The following TAPT1 variants were observed in gnomAD, a reference collection of about 807,000 sequenced individuals.
TAPT1 encodes transmembrane anterior posterior transformation 1.
TAPT1 carries 28 observed loss-of-function variants against 65.6 expected under a neutral mutation model. The observed-to-expected ratio is 0.43, with a 90% CI of 0.32 to 0.59. The LOEUF (loss-of-function observed/expected upper bound fraction) is 0.59. Ranked by LOEUF, TAPT1 falls within the 20% of genes least tolerant of loss-of-function variation. The pLI, the probability that TAPT1 is intolerant of heterozygous loss-of-function variation, is 0.09. For missense variants in TAPT1, 563 were observed against 679.9 expected (o/e 0.83, Z 1.91); for synonymous variants, 278 against 245.2 (o/e 1.13, Z -1.25).
chr4:16,177,407 G>T (rs1343024471), intron 8 of TAPT1, among the ~76,000 whole-genome samples: 1 of 152,116 alleles, frequency 6.6e-6, no homozygotes, highest in Non-Finnish European at 1.5e-5. Context: ...TGCTGACAAG[G>T]ACCCACAGCA....
At chr4:16,201,218 CTGTA>C (rs767187673) in intron 3 of TAPT1, among the ~76,000 whole-genome samples, 1 of 152,022 alleles carries the variant, frequency 6.6e-6, no homozygotes, top group Non-Finnish European at 1.5e-5. Flanking sequence ...TTTAAAAAGA[CTGTA>C]TGTGTTACTA....
chr4:16,189,488 C>T (rs1329307918), intron 4 of TAPT1, among the ~76,000 whole-genome samples: 1 of 152,204 alleles, frequency 6.6e-6, no homozygotes, highest in African/African-American at 2.4e-5. Flanking sequence ...GAGCTCCTAC[C>T]ATGGGCCTGA....
intron 2 of TAPT1, among the ~76,000 whole-genome samples, chr4:16,202,928 T>C (rs1211957871): frequency 6.6e-6 from 1 of 152,224 alleles, no homozygotes; most frequent in Non-Finnish European, 1.5e-5. Context: ...GAATGCTTCA[T>C]TGATGGGAAA....
chr4:16,213,943 C>G (rs201269566), intron 1 of TAPT1, 45 bp from the exon 2 acceptor site: 2 of 1,543,160 alleles, frequency 1.3e-6, no homozygotes, highest in Admixed American at 4.5e-5. Flanking sequence ...CAGTATTTAT[C>G]AAGGAACTTC....
chr4:16,176,390 T>C, intron 8 of TAPT1, 162 bp from the exon 9 acceptor site: 1 of 464,712 alleles, frequency 2.2e-6, no homozygotes, highest in Non-Finnish European at 3.7e-6. Context: ...AGCTATACTG[T>C]ATCAAGTTAA....
intron 11 of TAPT1, among the ~76,000 whole-genome samples, chr4:16,172,994 T>G (rs1008938558): frequency 2.6e-5 from 4 of 151,956 alleles, no homozygotes; most frequent in African/African-American, 9.7e-5. Context: ...TGACTAATTT[T>G]TGTATTTTTA....
At chr4:16,186,481 T>C (rs1749024279) in intron 7 of TAPT1, 54 bp downstream of exon 7, 8 of 1,218,938 alleles carry the variant, frequency 6.6e-6, no homozygotes, top group South Asian at 5.6e-5. Flanking sequence ...GATTTCAGAA[T>C]GAACTGCAAA....
chr4:16,174,491 T>C, intron 10 of TAPT1, 179 bp downstream of exon 10: 2 of 671,736 alleles, frequency 3.0e-6, no homozygotes, highest in South Asian at 2.1e-5. Flanking sequence ...TACTACTTAA[T>C]GTTAAGTATT....
intron 11 of TAPT1, 56 bp downstream of exon 11, chr4:16,174,148 A>ATAT: frequency 7.9e-7 from 1 of 1,265,088 alleles, no homozygotes; most frequent in Non-Finnish European, 1.1e-6. Context: ...CCATTTATTA[A>ATAT]TATTCTATAA....
chr4:16,206,542 GA>G lies in TAPT1; in HGVS notation c.331-3963del, dbSNP rs148149914. Among the ~76,000 whole-genome samples the G allele has an allele frequency of 2.6e-5, 4 of 152,112 alleles. No homozygotes were observed. The East Asian group carries it at 7.7e-4, about 29-fold the overall frequency. On this transcript the variant is annotated intron_variant, in intron 2 of 13. Transcript: ENST00000405303. ...AAGACTGAGTGTCACCTAAGGAACA[GA>G]GGTCTTAGCTGCGGCTCTAGGCTCT...
rs780629454 is a variant in TAPT1 at position 16,213,841 on chromosome 4, T to C, written c.257A>G (p.His86Arg). Residue 86 changes from histidine (H) to arginine (R), a missense_variant, in exon 2 of 14, where the codon CAT becomes CGT. This residue lies in a region of TAPT1 where 217 missense variants were observed against 317.5 expected (regional missense o/e 0.68). Coordinates refer to ENST00000405303, the MANE Select transcript of TAPT1 (RefSeq NM_153365.3). ...TCTTTCTGTATACTTGGCCTCATTATGTTCAAGGAAGTACCCTCTTGTTAG... is the reference window on the plus strand; with the variant it reads ...TCTTTCTGTATACTTGGCCTCATTACGTTCAAGGAAGTACCCTCTTGTTAG... ...AELTRGYFLE[H>R]NEAKYTERRE... The C allele has an allele frequency of 6.2e-6, 10 of 1,610,660 alleles. No individual in the cohort carries two copies. In the Admixed American group the frequency reaches 8.4e-5, roughly 14 times the overall value.
chr4:16,171,456 T>G (rs1252885735), intron 11 of TAPT1, among the ~76,000 whole-genome samples: 1 of 152,118 alleles, frequency 6.6e-6, no homozygotes. Flanking sequence ...AGTGCTGCTA[T>G]GCCCATATGT....
At chr4:16,188,907 G>A (rs1039644629) in intron 4 of TAPT1, among the ~76,000 whole-genome samples, 15 of 146,032 alleles carry the variant, frequency 1.0e-4, no homozygotes, top group African/African-American at 3.1e-4. Context: ...GTGACAGCGC[G>A]ACTCTGACTC....
chr4:16,227,073 C>T (rs1211345119), upstream of TAPT1: 6 of 454,694 alleles, frequency 1.3e-5, no homozygotes, highest in Non-Finnish European at 2.2e-5. Flanking sequence ...GGTTCCATCT[C>T]TTCTGCATAT....
chr4:16,226,574 C>T (rs1751585279), upstream of TAPT1: 2 of 715,408 alleles, frequency 2.8e-6, no homozygotes, highest in African/African-American at 1.9e-5. Context: ...CCGCCGCCGC[C>T]ATCCGCGGCC....
chr4:16,186,629 T>A, intron 6 of TAPT1, 25 bp from the exon 7 acceptor site: 2 of 1,473,372 alleles, frequency 1.4e-6, no homozygotes, highest in Non-Finnish European at 1.9e-6. Context: ...AGAAATACCA[T>A]CTTTATGATT....
intron 12 of TAPT1, among the ~76,000 whole-genome samples, chr4:16,167,626 T>C: frequency 6.6e-6 from 1 of 152,178 alleles, no homozygotes; most frequent in East Asian, 1.9e-4. Context: ...GTCCACTGCT[T>C]AGAACCTGTG....
At position 16,163,273 on chromosome 4, in the gene TAPT1, A is replaced by G. The variant is rs756544825; in HGVS notation, c.*35T>C. The G allele has an allele frequency of 1.2e-5, 19 of 1,524,896 alleles. No individual in the cohort carries two copies. The highest frequency in any genetic ancestry group is 4.5e-5 in the South Asian group (4 of 89,126). 94.5% of individuals were successfully genotyped at this position (1,524,896 alleles called of 1,614,324 possible). ...CTGGCAACACAGCACTTGTTGCCCC[A>G]GGACCCAGCTTCTTCAGCGCATGAA... On this transcript the variant is annotated 3_prime_UTR_variant, in exon 14 of 14. Coordinates refer to ENST00000405303, the MANE Select transcript of TAPT1 (RefSeq NM_153365.3).
At chr4:16,185,980 G>A (rs1748988751) in intron 7 of TAPT1, among the ~76,000 whole-genome samples, 1 of 152,160 alleles carries the variant, frequency 6.6e-6, no homozygotes, top group South Asian at 2.1e-4. Context: ...ATACTCCCTG[G>A]CAGAGCCCCT....
Sources: allele counts gnomAD v4.1 joint callset (sites outside exome capture counted in the v4.1 genomes callset), GRCh38; gene constraint gnomAD v4.1.1; regional missense constraint gnomAD v4.1.1; transcripts MANE v1.5; gene names NCBI Gene and HGNC (gene_info 2026-07-23, HGNC 2026-07-21).